Variants in ZMYM3 observed in about 807,000 individuals in gnomAD.
The protein encoded by ZMYM3 is zinc finger MYM-type containing 3, also known as zinc finger MYM-type protein 3.
A neutral mutation model predicts 94.2 loss-of-function variants in ZMYM3; 6 were observed. The ratio of observed to expected loss-of-function variants is 0.06; its 90% confidence interval spans 0.03 to 0.13. The LOEUF (loss-of-function observed/expected upper bound fraction) is 0.13, where lower values mean the gene tolerates loss of function less well. ZMYM3 is among the 10% of genes least tolerant of loss of function. The pLI is 1.00. For missense variants in ZMYM3, 664 were observed against 1,132.6 expected, an observed-to-expected ratio of 0.59 and a Z score of 5.94; for synonymous variants, 420 against 426.5, an observed-to-expected ratio of 0.98 and a Z score of 0.19.
rs771005314 is a variant in ZMYM3 at position 71,241,283 on chromosome X, G to A, written c.3864C>T (p.Asn1288=). The A allele has an allele frequency of 1.1e-5, 13 of 1,208,714 alleles. No homozygotes were observed. The Admixed American group carries it at 1.1e-4, about 10-fold the overall frequency. The change falls in exon 24 of 25, where the codon AAC becomes AAT. Residue 1288 remains asparagine, a synonymous_variant. Coordinates refer to ENST00000314425, the MANE Select transcript of ZMYM3 (RefSeq NM_201599.3). ...DEAPILEQRE[N]RMNPLRCPVK... ...CAGGGCAGCGGAGGGGATTCATGCG[G>A]TTCTCACGCTGCTCTAAGATAGGGG...
chrX:71,246,333 A>T lies in ZMYM3; in HGVS notation c.2572+20T>A, dbSNP rs375269854. 40 of 1,208,420 alleles carry T rather than the reference A, an allele frequency of 3.3e-5. No individual in the cohort carries two copies. In the African/African-American group the frequency reaches 6.1e-4, roughly 19 times the overall value. ...AGGACTCTGGAATACAGCCTGTGGCATCGAGGTACCCTGGCTCACCTGTTT... is the reference window on the plus strand; with the variant it reads ...AGGACTCTGGAATACAGCCTGTGGCTTCGAGGTACCCTGGCTCACCTGTTT... On this transcript the variant is annotated intron_variant, in intron 15 of 24. Coordinates refer to ENST00000314425, the MANE Select transcript of ZMYM3 (RefSeq NM_201599.3).
chrX:71,244,467 G>C lies in ZMYM3; in HGVS notation c.3115C>G (p.Gln1039Glu). 1 of 1,210,195 alleles carries C rather than the reference G, an allele frequency of 8.3e-7. No homozygotes were observed. The highest frequency in any genetic ancestry group is 1.1e-6 in the Non-Finnish European group (1 of 894,665). The stretch of plus-strand genomic sequence containing the variant: ...CTTTCGGAAAGCACCAGCCGCTTTT[G>C]ACCCTGGAGGGGAAGAGAAAGCAGG... ...QDLPRTMRKGQKRLVLSESCS... is the reference protein window; with the variant it reads ...QDLPRTMRKGEKRLVLSESCS... Residue 1039 changes from glutamine to glutamate, a missense_variant, in exon 20 of 25, where the codon CAA becomes GAA. Gln to Glu is a conservative substitution (Grantham distance 29). Coordinates refer to ENST00000314425, the MANE Select transcript of ZMYM3 (RefSeq NM_201599.3).
intron 2 of ZMYM3, among the ~76,000 whole-genome samples, chrX:71,252,117 C>T (rs1285428573): frequency 9.0e-6 from 1 of 110,939 alleles, no homozygotes; most frequent in Admixed American, 9.6e-5. Context: ...ATCCTAGACC[C>T]TGCATTTCTA....
Position 71,246,476 on chromosome X carries a change from T to TGTGGGGGGGGGGGGGGGGGGGGGGGGGGG in ZMYM3, c.2448_2449insCCCCCCCCCCCCCCCCCCCCCCCCCCCAC (p.Thr817ProfsTer32). 9.9e-6 allele frequency: 1 copy of TGTGGGGGGGGGGGGGGGGGGGGGGGGGGG among 100,703 alleles called. No homozygotes were observed. The highest frequency in any genetic ancestry group is 1.8e-5 in the Non-Finnish European group (1 of 56,477). The allele number at this position is 100,703 out of a possible 1,213,427, so 8.3% of individuals were successfully genotyped here. On this transcript the variant is annotated frameshift_variant, in exon 15 of 25. Transcript: ENST00000314425. LOFTEE classifies it high-confidence loss of function. ...GCTGGGGGTGGTGGGGGTGGAGGGG[T>TGTGGGGGGGGGGGGGGGGGGGGGGGGGGG]GGGAGCAGTGGGAGCTGATCGGGTC...
chrX:71,249,957 C>G (rs2030374111), intron 6 of ZMYM3, 69 bp downstream of exon 6: 1 of 1,115,129 alleles, frequency 9.0e-7, no homozygotes, highest in Admixed American at 3.1e-5. Context: ...GACCCTGCAG[C>G]CCCAGGATGG....
At chrX:71,249,261 A>G (rs971780413) in intron 7 of ZMYM3, 92 bp from the exon 8 acceptor site, 3 of 1,176,481 alleles carry the variant, frequency 2.5e-6, no homozygotes, top group Non-Finnish European at 3.4e-6. Flanking sequence ...TCAGGCATAC[A>G]AAAAAAGTAT....
chrX:71,251,256 A>G lies in ZMYM3; in HGVS notation c.712-12T>C. ...CGCTCGCTTCTCTTCTGTACCTCGG[A>G]AAGATGGGAGGGGAGGAAAACTGAC... On this transcript the variant is annotated splice_polypyrimidine_tract_variant and intron_variant, in intron 3 of 24. Transcript: ENST00000314425. 1 of 1,201,670 alleles carries G rather than the reference A, an allele frequency of 8.3e-7. No individual in the cohort carries two copies. The highest frequency in any genetic ancestry group is 1.1e-6 in the Non-Finnish European group (1 of 890,435).
chrX:71,240,911 C>A lies in ZMYM3; in HGVS notation c.*5G>T. On this transcript the variant is annotated 3_prime_UTR_variant, in exon 25 of 25. Transcript: ENST00000314425. ...GTGAAAGATGGATATGGATGGCACACGAGCTCAGTCCAGGTCTTCCTCCCC... is the reference window on the plus strand; with the variant it reads ...GTGAAAGATGGATATGGATGGCACAAGAGCTCAGTCCAGGTCTTCCTCCCC... 6.6e-6 allele frequency: 8 copies of A among 1,206,839 alleles called. No homozygotes were observed. Among genetic ancestry groups the A allele is most frequent in the Non-Finnish European group, 9.0e-6 (8 of 892,030 alleles).
chrX:71,248,872 T>A, intron 8 of ZMYM3, 71 bp from the exon 9 acceptor site: 3 of 1,078,232 alleles, frequency 2.8e-6, no homozygotes, highest in South Asian at 2.1e-5. Context: ...ACAGAAGGTG[T>A]AAGGCAGTGT....
chrX:71,251,441 C>A, intron 3 of ZMYM3, 117 bp downstream of exon 3: 1 of 1,007,504 alleles, frequency 9.9e-7, no homozygotes, highest in Non-Finnish European at 1.3e-6. Context: ...TCCCTCCCTC[C>A]TCCTAACTCT....
chrX:71,242,843 C>T (rs1415575233), intron 22 of ZMYM3, 127 bp downstream of exon 22: 1 of 595,728 alleles, frequency 1.7e-6, no homozygotes, highest in Non-Finnish European at 2.6e-6. Flanking sequence ...CCTGAGGCAT[C>T]CAGCTACACG....
chrX:71,244,473 G>A lies in ZMYM3; in HGVS notation c.3112-3C>T. Reference sequence around the variant, plus strand: ...GAAAGCACCAGCCGCTTTTGACCCTGGAGGGGAAGAGAAAGCAGGGGCATG... The same window carrying A: ...GAAAGCACCAGCCGCTTTTGACCCTAGAGGGGAAGAGAAAGCAGGGGCATG... On this transcript the variant is annotated splice_polypyrimidine_tract_variant and splice_region_variant and intron_variant, in intron 19 of 24. Transcript: ENST00000314425. 8.3e-7 allele frequency: 1 copy of A among 1,209,936 alleles called. No individual in the cohort carries two copies. Among genetic ancestry groups the A allele is most frequent in the South Asian group, 1.8e-5 (1 of 56,619 alleles).
Position 71,242,437 on chromosome X carries a change from A to AG in ZMYM3, c.3548-14dup. ...GAGAACACCGTATCTACAATGGTCA[A>AG]GGGGGAGAGGCCAGTCAGGAGGGAG... On this transcript the variant is annotated splice_polypyrimidine_tract_variant and intron_variant, in intron 22 of 24. Transcript: ENST00000314425. The AG allele has an allele frequency of 8.3e-7, 1 of 1,207,344 alleles. No individual in the cohort carries two copies. The highest frequency in any genetic ancestry group is 1.1e-6 in the Non-Finnish European group (1 of 892,360).
chrX:71,250,089 C>T lies in ZMYM3; in HGVS notation c.1188G>A (p.Pro396=), dbSNP rs143651259. The T allele has an allele frequency of 1.2e-5, 15 of 1,204,358 alleles. No individual in the cohort carries two copies. The highest frequency in any genetic ancestry group is 5.9e-5 in the East Asian group (2 of 33,666). ...LSLYEAQQQR[P]IPQSGDPADA... ...CGGCGGGATCCCCAGACTGGGGGATCGGGCGCTGCTGCTGGGCCTCATACA... is the reference window on the plus strand; with the variant it reads ...CGGCGGGATCCCCAGACTGGGGGATTGGGCGCTGCTGCTGGGCCTCATACA... Residue 396 remains proline, a synonymous_variant, in exon 6 of 25, where the codon CCG becomes CCA. Transcript: ENST00000314425.
At chrX:71,241,413 G>A in intron 23 of ZMYM3, 69 bp from the exon 24 acceptor site, 1 of 864,953 alleles carries the variant, frequency 1.2e-6, no homozygotes, top group South Asian at 3.0e-5. Flanking sequence ...CAAGAGCACA[G>A]TTCAGGGCAC....
intron 2 of ZMYM3, 134 bp from the exon 3 acceptor site, chrX:71,251,735 C>T (rs1218528351): frequency 9.4e-7 from 1 of 1,060,485 alleles, no homozygotes; most frequent in African/African-American, 2.0e-5. Flanking sequence ...CCTGTGGCTT[C>T]TTGGGGCCCC....
intron 23 of ZMYM3, among the ~76,000 whole-genome samples, chrX:71,241,647 ACTG>A (rs982988804): frequency 3.6e-5 from 4 of 111,595 alleles, no homozygotes; most frequent in African/African-American, 1.3e-4. Flanking sequence ...AACAGACCCT[ACTG>A]CAAGGGTGGG....
rs2030228092 is a variant in ZMYM3 at position 71,247,411 on chromosome X, G to A, written c.2248C>T (p.Arg750Cys). Residue 750 changes from arginine to cysteine, a missense_variant, in exon 13 of 25, where the codon CGT becomes TGT. By Grantham distance (180) the Arg-to-Cys change is radical. Around this residue, in one of 9 missense-constraint regions of ZMYM3, gnomAD observed 159 missense variants for 313.0 expected, o/e 0.51. Coordinates refer to ENST00000314425, the MANE Select transcript of ZMYM3 (RefSeq NM_201599.3). ...RHFCNQQCLL[R>C]FYSQQNQPNL... The stretch of plus-strand genomic sequence containing the variant: ...GGTTGGTTCTGCTGGCTATAGAAAC[G>A]CAGAAGACACTGCTGGTTGCAGAAA... 2.5e-6 allele frequency: 3 copies of A among 1,206,645 alleles called. No individual in the cohort carries two copies. The highest frequency in any genetic ancestry group is 2.2e-5 in the Admixed American group (1 of 45,430).
At position 71,247,774 on chromosome X, in the gene ZMYM3, C is replaced by G; in HGVS notation, c.2108G>C (p.Ser703Thr). 2 of 1,212,011 alleles carry G rather than the reference C, an allele frequency of 1.7e-6. No individual in the cohort carries two copies. The highest frequency in any genetic ancestry group is 2.2e-6 in the Non-Finnish European group (2 of 895,496). ...CAGGTACTTGCTCTTACAGTCCTCACTGCAGAAGTCCCAGGTGCTGCCATC... is the reference window on the plus strand; with the variant it reads ...CAGGTACTTGCTCTTACAGTCCTCAGTGCAGAAGTCCCAGGTGCTGCCATC... The part of the protein sequence containing the change: ...QLDGSTWDFC[S>T]EDCKSKYLLW... The change falls in exon 12 of 25, where the codon AGT (serine) becomes ACT (threonine). Residue 703 changes from serine to threonine, a missense_variant. By Grantham distance (58) the Ser-to-Thr change is moderately conservative. This residue lies in a region of ZMYM3 where 159 missense variants were observed against 313.0 expected (regional missense o/e 0.51). Coordinates refer to ENST00000314425, the MANE Select transcript of ZMYM3 (RefSeq NM_201599.3).
Sources: gnomAD v4.1 joint callset for allele counts (sites outside exome capture counted in the v4.1 genomes callset) on GRCh38, gnomAD v4.1.1 for gene constraint, gnomAD v4.1.1 regional missense constraint, MANE v1.5 for transcripts, NCBI Gene and HGNC (gene_info 2026-07-23, HGNC 2026-07-21) for gene names.